The following TMEM132E variants were observed in gnomAD, a reference collection of about 807,000 sequenced individuals.
The protein encoded by TMEM132E is transmembrane protein 132E.
TMEM132E carries 49 observed loss-of-function variants against 78.5 expected under a neutral mutation model. The ratio of observed to expected loss-of-function variants is 0.62; its 90% CI spans 0.50 to 0.79. The LOEUF (loss-of-function observed/expected upper bound fraction) is 0.79. Ranked by LOEUF, TMEM132E falls within the 30% of genes least tolerant of loss-of-function variation. TMEM132E has a pLI of 0.00. For missense variants in TMEM132E, 1,403 were observed against 1,470.9 expected (o/e 0.95, Z 0.75); for synonymous variants, 715 against 670.6 (o/e 1.07, Z -1.02).
chr17:34,634,855 C>T lies in TMEM132E; in HGVS notation c.1745C>T (p.Ala582Val). Reference sequence around the variant, plus strand: ...GAGGAGGAGGAGCGGCGGCAGAGTGCAAGCCGTGGCTGCACCCTGCAGTAC... The same window carrying T: ...GAGGAGGAGGAGCGGCGGCAGAGTGTAAGCCGTGGCTGCACCCTGCAGTAC... Reference protein sequence around the residue: ...DEEEEERRQSASRGCTLQYQH... With the variant: ...DEEEEERRQSVSRGCTLQYQH... The change falls in exon 7 of 9, where the codon GCA (alanine) becomes GTA (valine). Residue 582 changes from alanine (A) to valine (V), a missense_variant. Ala to Val is a moderately conservative substitution (Grantham distance 64). Transcript: ENST00000631683. 6.2e-7 allele frequency: 1 copy of T among 1,614,040 alleles called. No homozygotes were observed. The highest frequency in any genetic ancestry group is 8.5e-7 in the Non-Finnish European group (1 of 1,180,026).
intron 1 of TMEM132E, among the ~76,000 whole-genome samples, chr17:34,614,002 C>T (rs1205413775): frequency 6.6e-6 from 1 of 152,202 alleles, no homozygotes; most frequent in Non-Finnish European, 1.5e-5. Context: ...AGTGTGGCCT[C>T]CTTGCCTTGT....
intron 1 of TMEM132E, chr17:34,614,283 C>T (rs1455688973): frequency 2.0e-5 from 3 of 152,352 alleles, no homozygotes; most frequent in Non-Finnish European, 2.9e-5. Flanking sequence ...CTCCTGACCC[C>T]TATTCCTACA....
chr17:34,636,563 T>A (rs1907528187), intron 8 of TMEM132E, among the ~76,000 whole-genome samples: 1 of 151,656 alleles, frequency 6.6e-6, no homozygotes, highest in African/African-American at 2.4e-5. Context: ...CAGATGAGAG[T>A]CCTGGGGAGT....
chr17:34,636,386 G>T (rs1298983469), intron 8 of TMEM132E, among the ~76,000 whole-genome samples, 188 bp downstream of exon 8: 1 of 152,194 alleles, frequency 6.6e-6, no homozygotes, highest in Non-Finnish European at 1.5e-5. Context: ...TCAGAGCAAG[G>T]TCTTGCTTGC....
chr17:34,584,814 C>T (rs1905610014), intron 1 of TMEM132E, among the ~76,000 whole-genome samples: 1 of 152,210 alleles, frequency 6.6e-6, no homozygotes, highest in South Asian at 2.1e-4. Flanking sequence ...CCATGTGTCT[C>T]CGGTGACATG....
At chr17:34,615,662 G>A (rs754112010) in intron 1 of TMEM132E, among the ~76,000 whole-genome samples, 1 of 151,402 alleles carries the variant, frequency 6.6e-6, no homozygotes, top group Non-Finnish European at 1.5e-5. Flanking sequence ...TAGGTGCCAG[G>A]GATTAAAAAA....
chr17:34,600,092 C>T (rs1032377783), intron 1 of TMEM132E, among the ~76,000 whole-genome samples: 3 of 152,190 alleles, frequency 2.0e-5, no homozygotes, highest in African/African-American at 7.2e-5. Flanking sequence ...TGAAAGGGAA[C>T]CTTTATTCAC....
chr17:34,625,169 C>T (rs1040150175), intron 1 of TMEM132E, among the ~76,000 whole-genome samples: 5 of 152,120 alleles, frequency 3.3e-5, no homozygotes, highest in African/African-American at 7.2e-5. Context: ...GTCGTCATAG[C>T]GACAGCAGTA....
intron 5 of TMEM132E, 112 bp from the exon 6 acceptor site, chr17:34,632,592 T>G: frequency 9.0e-7 from 1 of 1,112,012 alleles, no homozygotes; most frequent in Non-Finnish European, 1.3e-6. Context: ...CTCCTCCCCT[T>G]CAGCCTCCTA....
intron 8 of TMEM132E, 56 bp from the exon 9 acceptor site, chr17:34,637,121 G>A: frequency 6.7e-7 from 1 of 1,498,478 alleles, no homozygotes; most frequent in Non-Finnish European, 9.0e-7. Context: ...GATCTAGCAG[G>A]AAGCCAGCTG....
At chr17:34,602,741 A>T (rs1225148440) in intron 1 of TMEM132E, among the ~76,000 whole-genome samples, 1 of 151,632 alleles carries the variant, frequency 6.6e-6, no homozygotes, top group Non-Finnish European at 1.5e-5. Context: ...GGGGAAGAGA[A>T]CCCGGGAGCT....
chr17:34,586,849 T>C (rs866642206), intron 1 of TMEM132E, among the ~76,000 whole-genome samples: 10 of 152,196 alleles, frequency 6.6e-5, no homozygotes, highest in Non-Finnish European at 8.8e-5. Flanking sequence ...GAAGAAAATC[T>C]CTTTTTGCCT....
intron 1 of TMEM132E, among the ~76,000 whole-genome samples, chr17:34,589,841 A>G (rs1053054928): frequency 1.2e-4 from 19 of 152,176 alleles, no homozygotes; most frequent in East Asian, 9.6e-4. Flanking sequence ...CCCTGTCTCT[A>G]CTGGAGAGAG....
intron 1 of TMEM132E, among the ~76,000 whole-genome samples, chr17:34,586,045 C>T (rs1905663238): frequency 1.3e-5 from 2 of 152,142 alleles, no homozygotes; most frequent in Non-Finnish European, 1.5e-5. Context: ...GCCCTCCAAG[C>T]CCCCTCCCAA....
At position 34,634,807 on chromosome 17, in the gene TMEM132E, G is replaced by A. The variant is rs763927718; in HGVS notation, c.1697G>A (p.Arg566Gln). Reference sequence around the variant, plus strand: ...GCATGTCCCCACCCCAGGTCAGTCCGGGAAAGCGAGGATGAGGATGAGGAG... The same window carrying A: ...GCATGTCCCCACCCCAGGTCAGTCCAGGAAAGCGAGGATGAGGATGAGGAG... ...VPILPDRRSV[R>Q]ESEDEDEEEE... Residue 566 changes from arginine (R) to glutamine (Q), a missense_variant, in exon 7 of 9, where the codon CGG becomes CAG. Transcript: ENST00000631683. 26 of 1,612,514 alleles carry A rather than the reference G, an allele frequency of 1.6e-5. No individual in the cohort carries two copies. Among genetic ancestry groups the A allele is most frequent in the East Asian group, 2.2e-5 (1 of 44,828 alleles).
At chr17:34,603,809 T>C (rs962220359) in intron 1 of TMEM132E, among the ~76,000 whole-genome samples, 2 of 152,192 alleles carry the variant, frequency 1.3e-5, no homozygotes, top group African/African-American at 2.4e-5. Flanking sequence ...ATCTCAGCCA[T>C]ACTCACTGTC....
rs910059417 is a variant in TMEM132E, at chr17:34,638,369, G to C, written c.*137G>C. 3 of 996,876 alleles carry C rather than the reference G, an allele frequency of 3.0e-6. No homozygotes were observed. Among genetic ancestry groups the C allele is most frequent in the African/African-American group, 1.7e-5 (1 of 60,568 alleles). 61.8% of individuals were successfully genotyped at this position (996,876 alleles called of 1,614,324 possible). A position where few individuals can be genotyped will look rare whatever the true frequency, so the allele number is the denominator to read the frequency against. Reference sequence around the variant, plus strand: ...CTCCCTGCCCCTGCAGCTTGGCTCCGTGCGGAGCGGGCCGCCTCAGTGTCT... The same window carrying C: ...CTCCCTGCCCCTGCAGCTTGGCTCCCTGCGGAGCGGGCCGCCTCAGTGTCT... On this transcript the variant is annotated 3_prime_UTR_variant, in exon 9 of 9. Transcript: ENST00000631683.
intron 1 of TMEM132E, among the ~76,000 whole-genome samples, chr17:34,605,166 C>A (rs997336491): frequency 1.3e-5 from 2 of 152,138 alleles, no homozygotes; most frequent in Non-Finnish European, 2.9e-5. Context: ...TCAGCCATGA[C>A]GTCCTAAGTG....
At chr17:34,607,863 C>T (rs982755427) in intron 1 of TMEM132E, among the ~76,000 whole-genome samples, 1 of 152,100 alleles carries the variant, frequency 6.6e-6, no homozygotes, top group Admixed American at 6.5e-5. Context: ...GAGCTTCTGT[C>T]CCCCTGAAGT....
Sources: allele counts gnomAD v4.1 joint callset (sites outside exome capture counted in the v4.1 genomes callset), GRCh38; gene constraint gnomAD v4.1.1; transcripts MANE v1.5; gene names NCBI Gene and HGNC (gene_info 2026-07-23, HGNC 2026-07-21).